EPB41L2: variants seen among roughly 807,000 people sequenced by gnomAD.
EPB41L2 encodes band 4.1-like protein 2.
Under a neutral mutation model 113.0 loss-of-function variants are expected in EPB41L2, and 43 were observed. The ratio of observed to expected loss-of-function variants is 0.38; its 90% CI spans 0.30 to 0.49. EPB41L2 has a LOEUF of 0.49. Among genes scored for constraint, EPB41L2 ranks in the 20% least tolerant of loss-of-function variants. The probability of loss-of-function intolerance (pLI) is 0.95; values close to 1 mark genes in which losing one functional copy is unlikely to be tolerated. For missense variants in EPB41L2, 1,147 were observed against 1,223.4 expected (o/e 0.94, Z 0.93); for synonymous variants, 442 against 436.7 (o/e 1.01, Z -0.15).
intron 8 of EPB41L2, among the ~76,000 whole-genome samples, chr6:130,896,521 T>C (rs577420699): frequency 1.6e-4 from 24 of 152,292 alleles, no homozygotes; most frequent in East Asian, 3.9e-4. Context: ...ATTTGAAACA[T>C]TGAATGAGCC....
intron 9 of EPB41L2, among the ~76,000 whole-genome samples, 172 bp downstream of exon 9, chr6:130,894,795 C>A (rs1288893044): frequency 6.6e-6 from 1 of 152,062 alleles, no homozygotes; most frequent in Non-Finnish European, 1.5e-5. Context: ...TTTTTAAAAA[C>A]AGACCAGACG....
In EPB41L2 at chr6:130,974,314, TA is replaced by T. The variant is rs5880045; in HGVS notation, c.-14-17816del. Among the ~76,000 whole-genome samples the T allele has an allele frequency of 8.3e-3, 1,269 of 152,204 alleles. 27 individuals are homozygous for T. The highest frequency in any genetic ancestry group is 0.029 in the African/African-American group (1,220 of 41,524). On this transcript the variant is annotated intron_variant, in intron 1 of 19. Coordinates refer to ENST00000337057, the MANE Select transcript of EPB41L2 (RefSeq NM_001431.4). ...AGCCCTTACCAGAAATTCTACAACTTAGAGTAACTGTGAGAAATAAGTACCT... is the reference window on the plus strand; with the variant it reads ...AGCCCTTACCAGAAATTCTACAACTTGAGTAACTGTGAGAAATAAGTACCT...
intron 4 of EPB41L2, among the ~76,000 whole-genome samples, chr6:130,923,464 T>C (rs1452031385): frequency 6.6e-6 from 1 of 152,162 alleles, no homozygotes. Context: ...CCTAATCTCA[T>C]TCTCCCCTTA....
At chr6:131,033,336 T>C (rs532694975) in intron 1 of EPB41L2, among the ~76,000 whole-genome samples, 1 of 152,118 alleles carries the variant, frequency 6.6e-6, no homozygotes, top group South Asian at 2.1e-4. Flanking sequence ...CCCTTATGAG[T>C]TGCTGGCAGG....
At position 130,888,268 on chromosome 6, in the gene EPB41L2, C is replaced by A. The variant is rs985623429; in HGVS notation, c.1660+2026G>T. On this transcript the variant is annotated intron_variant, in intron 11 of 19. Transcript: ENST00000337057. ...CACTGGCTGTCTGGTCATGTATTGGCGTTAAAAGCCTCCTATTTTTCACAA... is the reference window on the plus strand; with the variant it reads ...CACTGGCTGTCTGGTCATGTATTGGAGTTAAAAGCCTCCTATTTTTCACAA... Among the ~76,000 whole-genome samples the A allele has an allele frequency of 2.0e-5, 3 of 152,044 alleles. 1 individual carries two copies. The highest frequency in any genetic ancestry group is 7.2e-5 in the African/African-American group (3 of 41,404).
At chr6:130,899,240 T>G (rs1187335279) in intron 8 of EPB41L2, among the ~76,000 whole-genome samples, 1 of 149,832 alleles carries the variant, frequency 6.7e-6, no homozygotes, top group Admixed American at 6.7e-5. Flanking sequence ...TGACAAGGTG[T>G]GTCATAGTAA....
At chr6:130,848,195 TCTCTCACACACACA>T (rs1293407565) in intron 19 of EPB41L2, among the ~76,000 whole-genome samples, 26 of 110,758 alleles carry the variant, frequency 2.3e-4, no homozygotes, top group African/African-American at 1.2e-3. Context: ...TCTCTCTCTC[TCTCTCACACACACA>T]CACACACACA....
intron 3 of EPB41L2, among the ~76,000 whole-genome samples, chr6:130,953,025 G>C (rs1815770793): frequency 6.8e-6 from 1 of 147,850 alleles, no homozygotes; most frequent in Non-Finnish European, 1.5e-5. Flanking sequence ...GAAATAAAAG[G>C]GCATTCTAGA....
chr6:130,983,142 T>C (rs1276873562), intron 1 of EPB41L2, among the ~76,000 whole-genome samples: 1 of 152,216 alleles, frequency 6.6e-6, no homozygotes, highest in Non-Finnish European at 1.5e-5. Flanking sequence ...TCCACTCTAG[T>C]ACCATAAAGT....
chr6:130,989,256 T>C (rs1781281021), intron 1 of EPB41L2, among the ~76,000 whole-genome samples: 1 of 152,224 alleles, frequency 6.6e-6, no homozygotes, highest in African/African-American at 2.4e-5. Flanking sequence ...CATACTCTTC[T>C]GAACAACCTC....
At chr6:131,031,932 C>G (rs1405281570) in intron 1 of EPB41L2, among the ~76,000 whole-genome samples, 1 of 152,168 alleles carries the variant, frequency 6.6e-6, no homozygotes, top group Non-Finnish European at 1.5e-5. Context: ...GCTACACTTA[C>G]TCCAAAGTGA....
At chr6:130,884,859 A>G (rs1790438652) in intron 12 of EPB41L2, among the ~76,000 whole-genome samples, 1 of 152,242 alleles carries the variant, frequency 6.6e-6, no homozygotes, top group Admixed American at 6.5e-5. Context: ...GATTATGAGG[A>G]CAGTCAAAAA....
At chr6:131,030,242 C>T (rs1791865214) in intron 1 of EPB41L2, among the ~76,000 whole-genome samples, 1 of 152,202 alleles carries the variant, frequency 6.6e-6, no homozygotes, top group Non-Finnish European at 1.5e-5. Flanking sequence ...ACGACATGGC[C>T]AGGCTGAGAT....
At chr6:130,867,827 T>A in intron 15 of EPB41L2, 1 of 440,102 alleles carries the variant, frequency 2.3e-6, no homozygotes, top group Non-Finnish European at 4.2e-6. Context: ...TGTGTGTATG[T>A]GTACATACAC....
intron 5 of EPB41L2, among the ~76,000 whole-genome samples, chr6:130,908,068 C>T (rs1475780127): frequency 6.6e-6 from 1 of 152,116 alleles, no homozygotes; most frequent in South Asian, 2.1e-4. Context: ...ATTAAGTATC[C>T]AGATCCCCTA....
In EPB41L2 at chr6:130,955,494, T is replaced by C. The variant is rs978039521; in HGVS notation, c.493-177A>G. Among the ~76,000 whole-genome samples, 14 of 152,232 alleles carry C rather than the reference T, an allele frequency of 9.2e-5. 1 individual carries two copies. The highest frequency in any genetic ancestry group is 9.2e-4 in the Admixed American group (14 of 15,284). On this transcript the variant is annotated intron_variant, in intron 2 of 19. Transcript: ENST00000337057. ...GATATTTCCCCTCATCCTCTTTTCA[T>C]GGCCAAAATTCTCATTTTGCCAAGT... is the stretch of plus-strand genomic sequence containing the variant.
chr6:130,950,499 T>A (rs890813982), intron 3 of EPB41L2, among the ~76,000 whole-genome samples: 17 of 151,474 alleles, frequency 1.1e-4, no homozygotes, highest in Admixed American at 4.6e-4. Flanking sequence ...GAAAAAAAAA[T>A]TTAAAAATTT....
At chr6:130,951,891 CAGGTAG>C (rs951085434) in intron 3 of EPB41L2, among the ~76,000 whole-genome samples, 4 of 152,046 alleles carry the variant, frequency 2.6e-5, no homozygotes. Context: ...CAGCATATCC[CAGGTAG>C]AGGCTATTCT....
chr6:130,845,200 A>T (rs1002135427), intron 19 of EPB41L2, among the ~76,000 whole-genome samples: 6 of 152,222 alleles, frequency 3.9e-5, no homozygotes, highest in Admixed American at 2.0e-4. Context: ...AGGACTGCTG[A>T]GTCTCTTTAA....
Sources: allele counts gnomAD v4.1 joint callset (sites outside exome capture counted in the v4.1 genomes callset), GRCh38; gene constraint gnomAD v4.1.1; transcripts MANE v1.5; gene names NCBI Gene and HGNC (gene_info 2026-07-23, HGNC 2026-07-21).